Variants in TXNL4A observed in about 807,000 individuals in gnomAD.
The protein encoded by TXNL4A is thioredoxin-like protein 4A.
Under a neutral mutation model 14.6 loss-of-function variants are expected in TXNL4A, and 17 were observed. That is an observed-to-expected ratio of 1.16 (90% CI 0.80 to 1.74). The LOEUF is 1.74. TXNL4A is among the 40% of genes most tolerant of loss of function. The pLI, the probability that TXNL4A is intolerant of heterozygous loss-of-function variation, is 0.00. For synonymous variants in TXNL4A, 83 were observed against 70.6 expected, an observed-to-expected ratio of 1.18 and a Z score of -0.88; for missense variants, 74 against 195.2, an observed-to-expected ratio of 0.38 and a Z score of 3.70.
chr18:79,985,167 T>C (rs1460427100), intron 1 of TXNL4A, among the ~76,000 whole-genome samples: 1 of 152,170 alleles, frequency 6.6e-6, no homozygotes, highest in Non-Finnish European at 1.5e-5. Context: ...CATGAAATTG[T>C]CTCCTGTGAC....
intron 1 of TXNL4A, among the ~76,000 whole-genome samples, chr18:80,012,889 G>C (rs2051779756): frequency 6.6e-6 from 1 of 150,960 alleles, no homozygotes; most frequent in African/African-American, 2.4e-5. Flanking sequence ...CCTGGGAAAC[G>C]GGGTGAGGCC....
intron 1 of TXNL4A, among the ~76,000 whole-genome samples, chr18:79,994,248 T>C (rs181718170): frequency 6.6e-6 from 1 of 152,274 alleles, no homozygotes; most frequent in Admixed American, 6.5e-5. Context: ...ATGCCCAATT[T>C]AGTGTACCCG....
At chr18:80,027,410 T>C (rs1436193022) in intron 1 of TXNL4A, among the ~76,000 whole-genome samples, 1 of 152,036 alleles carries the variant, frequency 6.6e-6, no homozygotes, top group South Asian at 2.1e-4. Flanking sequence ...AGACACCCAA[T>C]AGTCCCAAAC....
chr18:79,979,202 T>G (rs998095692), intron 1 of TXNL4A: 7 of 152,230 alleles, frequency 4.6e-5, no homozygotes, highest in African/African-American at 1.7e-4. Context: ...CCTCCCAAAG[T>G]GCTGGGATTA....
intron 1 of TXNL4A, among the ~76,000 whole-genome samples, chr18:80,021,415 G>T (rs1262438248): frequency 1.3e-5 from 2 of 152,086 alleles, no homozygotes; most frequent in African/African-American, 4.8e-5. Context: ...CTGACCTCGT[G>T]ATCTGCCCCC....
chr18:79,983,925 G>A (rs1278298520), intron 1 of TXNL4A, among the ~76,000 whole-genome samples: 1 of 152,154 alleles, frequency 6.6e-6, no homozygotes, highest in Admixed American at 6.6e-5. Flanking sequence ...CCTAGCTAGA[G>A]TCTGCACCCT....
intron 1 of TXNL4A, among the ~76,000 whole-genome samples, chr18:79,986,173 G>A (rs955467637): frequency 2.6e-5 from 4 of 151,948 alleles, no homozygotes; most frequent in African/African-American, 9.7e-5. Flanking sequence ...CCAAGTAGCT[G>A]GGACTACAGG....
chr18:79,994,390 A>C (rs1370198813), intron 1 of TXNL4A, among the ~76,000 whole-genome samples: 1 of 152,142 alleles, frequency 6.6e-6, no homozygotes, highest in African/African-American at 2.4e-5. Flanking sequence ...ACAACTTAGA[A>C]CTGCCAATCG....
intron 1 of TXNL4A, among the ~76,000 whole-genome samples, chr18:80,029,501 GA>G (rs2051907563): frequency 6.6e-6 from 1 of 152,216 alleles, no homozygotes; most frequent in Admixed American, 6.5e-5. Flanking sequence ...AATCCTACTA[GA>G]AAAAATTATC....
chr18:79,998,080 T>C (rs1320233187), intron 1 of TXNL4A, among the ~76,000 whole-genome samples: 1 of 151,798 alleles, frequency 6.6e-6, no homozygotes. Flanking sequence ...GATCACGAGG[T>C]CAGGAGATCG....
intron 1 of TXNL4A, among the ~76,000 whole-genome samples, chr18:79,980,913 G>C (rs974463407): frequency 6.6e-6 from 1 of 152,172 alleles, no homozygotes; most frequent in Non-Finnish European, 1.5e-5. Flanking sequence ...CTCTGAGTCC[G>C]GTCACTCTGA....
At chr18:79,975,063 C>A (rs1255115594) in intron 2 of TXNL4A, among the ~76,000 whole-genome samples, 1 of 152,198 alleles carries the variant, frequency 6.6e-6, no homozygotes, top group Admixed American at 6.5e-5. Flanking sequence ...GCCCTACATG[C>A]AGCATGCACC....
intron 1 of TXNL4A, among the ~76,000 whole-genome samples, chr18:80,015,016 A>T (rs1422272226): frequency 6.6e-6 from 1 of 152,206 alleles, no homozygotes; most frequent in Non-Finnish European, 1.5e-5. Flanking sequence ...CCTTTCTGCC[A>T]CAGCTGGAGT....
chr18:80,013,790 C>T (rs996976701), intron 1 of TXNL4A, among the ~76,000 whole-genome samples: 1 of 152,168 alleles, frequency 6.6e-6, no homozygotes. Flanking sequence ...CATGTGTGGG[C>T]ATCTTTGGGA....
At chr18:80,009,478 G>A (rs889500691) in intron 1 of TXNL4A, among the ~76,000 whole-genome samples, 4 of 152,154 alleles carry the variant, frequency 2.6e-5, no homozygotes, top group African/African-American at 4.8e-5. Context: ...TTGTCAGGAC[G>A]GGACACCAAC....
In TXNL4A at chr18:79,974,299, C is replaced by G. The variant is rs533518483; in HGVS notation, c.258-443G>C. ...CAATGTGTAAGTTTTTCACAGTGCTCTTATGAGCAATGACATAAATTGTAT... is the reference window on the plus strand; with the variant it reads ...CAATGTGTAAGTTTTTCACAGTGCTGTTATGAGCAATGACATAAATTGTAT... On this transcript the variant is annotated intron_variant, in intron 2 of 2. Transcript: ENST00000269601. Among the ~76,000 whole-genome samples, 4 of 152,270 alleles carry G rather than the reference C, an allele frequency of 2.6e-5. No individual in the cohort carries two copies. The East Asian group carries it at 7.7e-4, about 29-fold the overall frequency.
chr18:79,991,658 C>T (rs550145791), upstream of TXNL4A, among the ~76,000 whole-genome samples: 17 of 152,318 alleles, frequency 1.1e-4, no homozygotes, highest in Non-Finnish European at 1.5e-4. Context: ...AACTGTTTAA[C>T]ATTTTTAAGT....
intron 1 of TXNL4A, among the ~76,000 whole-genome samples, chr18:80,014,081 C>A (rs2051790660): frequency 6.6e-6 from 1 of 152,088 alleles, no homozygotes; most frequent in Admixed American, 6.5e-5. Flanking sequence ...ATTACCTCCC[C>A]CTGGGTCCCT....
At chr18:79,989,630 C>G (rs895749136), upstream of TXNL4A, among the ~76,000 whole-genome samples, 1 of 152,182 alleles carries the variant, frequency 6.6e-6, no homozygotes, top group Admixed American at 6.5e-5. Flanking sequence ...CCCTGGTTTG[C>G]AAACTGATAT....
Sources: allele counts gnomAD v4.1 joint callset (sites outside exome capture counted in the v4.1 genomes callset), GRCh38; gene constraint gnomAD v4.1.1; transcripts MANE v1.5; gene names NCBI Gene and HGNC (gene_info 2026-07-23, HGNC 2026-07-21).